Variants in SMIM10L1 observed in about 807,000 individuals in gnomAD.
The protein encoded by SMIM10L1 is small integral membrane protein 10-like protein 1.
In SMIM10L1, 6 loss-of-function variants were observed where a neutral mutation model predicts 4.5. The observed-to-expected ratio is 1.33, with a 90% CI of 0.73 to 2.62. SMIM10L1 has a LOEUF of 2.62. Among genes scored for constraint, SMIM10L1 ranks in the 30% most tolerant of loss-of-function variants. The pLI is 0.00. For missense variants in SMIM10L1, 66 were observed against 86.2 expected (o/e 0.77, Z 0.93); for synonymous variants, 49 against 42.2 (o/e 1.16, Z -0.63).
chr12:11,174,349 A>G lies in SMIM10L1; in HGVS notation c.*2786A>G, dbSNP rs1025482830. On this transcript the variant is annotated 3_prime_UTR_variant, in exon 1 of 1. Coordinates refer to ENST00000622602, the MANE Select transcript of SMIM10L1 (RefSeq NM_001271592.2). Reference sequence around the variant, plus strand: ...GCCCAGTGCGGAATAGCTAATAAATATTGTTGAATGGATAGATGAATGGCA... The same window carrying G: ...GCCCAGTGCGGAATAGCTAATAAATGTTGTTGAATGGATAGATGAATGGCA... 6.6e-6 allele frequency: 1 copy of G among 152,150 alleles called. No individual in the cohort carries two copies. The highest frequency in any genetic ancestry group is 1.5e-5 in the Non-Finnish European group (1 of 68,004). The allele number at this position is 152,150 out of a possible 1,614,324, so 9.4% of individuals were successfully genotyped here.
Position 11,171,571 on chromosome 12 carries a change from A to G in SMIM10L1, c.*8A>G. On this transcript the variant is annotated 3_prime_UTR_variant, in exon 1 of 1. Transcript: ENST00000622602. The stretch of plus-strand genomic sequence containing the variant: ...TTGCAGGTACATATTTAGAGCCATG[A>G]CTAAGCTAACGGCCTCCGGGGCCAG... The G allele has an allele frequency of 8.1e-7, 1 of 1,231,878 alleles. No homozygotes were observed. Among genetic ancestry groups the G allele is most frequent in the South Asian group, 4.1e-5 (1 of 24,304 alleles). The allele number at this position is 1,231,878 out of a possible 1,614,324, so 76.3% of individuals were successfully genotyped here. A position where few individuals can be genotyped will look rare whatever the true frequency, so the allele number is the denominator to read the frequency against.
rs1947852996 is a variant in SMIM10L1, at chr12:11,171,656, A to C, written c.*93A>C. ...GGCGGAGCAGCCAATGGCGAGCCCC[A>C]CAGTCTCGCGAGAGTGCTCAGGCGC... On this transcript the variant is annotated 3_prime_UTR_variant, in exon 1 of 1. Coordinates refer to ENST00000622602, the MANE Select transcript of SMIM10L1 (RefSeq NM_001271592.2). The C allele has an allele frequency of 3.2e-6, 3 of 934,812 alleles. No individual in the cohort carries two copies. The African/African-American group carries it at 5.1e-5, about 16-fold the overall frequency. 57.9% of individuals were successfully genotyped at this position (934,812 alleles called of 1,614,324 possible).
At position 11,171,298 on chromosome 12, in the gene SMIM10L1, T is replaced by A; in HGVS notation, c.-59T>A. 1 of 1,123,280 alleles carries A rather than the reference T, an allele frequency of 8.9e-7. No homozygotes were observed. The highest frequency in any genetic ancestry group is 1.1e-6 in the Non-Finnish European group (1 of 888,752). The allele number at this position is 1,123,280 out of a possible 1,614,324, so 69.6% of individuals were successfully genotyped here. On this transcript the variant is annotated 5_prime_UTR_variant, in exon 1 of 1. Transcript: ENST00000622602. ...GCCGGTCCCAGCCGTCGCTAGGAGG[T>A]CCGCGGGCCCTGCGGCAACCCTCGC...
chr12:11,171,596 G>T lies in SMIM10L1; in HGVS notation c.*33G>T. On this transcript the variant is annotated 3_prime_UTR_variant, in exon 1 of 1. Coordinates refer to ENST00000622602, the MANE Select transcript of SMIM10L1 (RefSeq NM_001271592.2). ...ACTAAGCTAACGGCCTCCGGGGCCA[G>T]CATGATGGCCGACTCCCAGGGTCCG... The T allele has an allele frequency of 7.4e-6, 9 of 1,217,266 alleles. No homozygotes were observed. The highest frequency in any genetic ancestry group is 8.2e-6 in the Non-Finnish European group (8 of 974,458). 75.4% of individuals were successfully genotyped at this position (1,217,266 alleles called of 1,614,324 possible).
Position 11,171,293 on chromosome 12 carries a change from G to A in SMIM10L1, c.-64G>A. ...GTCCTGCCGGTCCCAGCCGTCGCTA[G>A]GAGGTCCGCGGGCCCTGCGGCAACC... On this transcript the variant is annotated 5_prime_UTR_variant, in exon 1 of 1. Transcript: ENST00000622602. 2 of 1,081,316 alleles carry A rather than the reference G, an allele frequency of 1.8e-6. No individual in the cohort carries two copies. Among genetic ancestry groups the A allele is most frequent in the Non-Finnish European group, 2.4e-6 (2 of 850,474 alleles). 67.0% of individuals were successfully genotyped at this position (1,081,316 alleles called of 1,614,324 possible).
rs1947867083 is a variant in SMIM10L1 at position 11,172,071 on chromosome 12, G to GT, written c.*509dup. The GT allele has an allele frequency of 6.6e-6, 1 of 152,158 alleles. No homozygotes were observed. Among genetic ancestry groups the GT allele is most frequent in the Non-Finnish European group, 1.5e-5 (1 of 68,022 alleles). The allele number at this position is 152,158 out of a possible 1,614,324, so 9.4% of individuals were successfully genotyped here. A position where few individuals can be genotyped will look rare whatever the true frequency, so the allele number is the denominator to read the frequency against. ...TTTTCGGTGAAAAAAACGCAAAACTGTACAGGAAAATCATCCTCCAAGTAC... is the reference window on the plus strand; with the variant it reads ...TTTTCGGTGAAAAAAACGCAAAACTGTTACAGGAAAATCATCCTCCAAGTAC... On this transcript the variant is annotated 3_prime_UTR_variant, in exon 1 of 1. Transcript: ENST00000622602.
chr12:11,173,275 C>T lies in SMIM10L1; in HGVS notation c.*1712C>T, dbSNP rs1162786185. The T allele has an allele frequency of 6.6e-6, 1 of 152,132 alleles. No individual in the cohort carries two copies. Among genetic ancestry groups the T allele is most frequent in the Admixed American group, 6.5e-5 (1 of 15,274 alleles). 9.4% of individuals were successfully genotyped at this position (152,132 alleles called of 1,614,324 possible). A position where few individuals can be genotyped will look rare whatever the true frequency, so the allele number is the denominator to read the frequency against. On this transcript the variant is annotated 3_prime_UTR_variant, in exon 1 of 1. Transcript: ENST00000622602. ...CTTTCTAGTCTTTATTCTTTGTCTCCAGCCAAACTCCATTTGGGCACATTC... is the reference window on the plus strand; with the variant it reads ...CTTTCTAGTCTTTATTCTTTGTCTCTAGCCAAACTCCATTTGGGCACATTC...
Position 11,175,154 on chromosome 12 carries a change from C to T in SMIM10L1, c.*3591C>T, listed in dbSNP as rs558319541. 2 of 149,132 alleles carry T rather than the reference C, an allele frequency of 1.3e-5. No homozygotes were observed. Among genetic ancestry groups the T allele is most frequent in the African/African-American group, 4.9e-5 (2 of 40,694 alleles). The allele number at this position is 149,132 out of a possible 1,614,324, so 9.2% of individuals were successfully genotyped here. ...TGTAAGTTCAAGTATTTTATACTCT[C>T]TGCAGCCTTAAACCTATTGGCTTAT... On this transcript the variant is annotated 3_prime_UTR_variant, in exon 1 of 1. Coordinates refer to ENST00000622602, the MANE Select transcript of SMIM10L1 (RefSeq NM_001271592.2).
In SMIM10L1 at chr12:11,173,894, TACAC is replaced by T. The variant is rs1395396200; in HGVS notation, c.*2333_*2336del. ...CTGTATATATACATATATATATACA[TACAC>T]ATATATAAATTTAAGTAGTAACTAT... On this transcript the variant is annotated 3_prime_UTR_variant, in exon 1 of 1. Coordinates refer to ENST00000622602, the MANE Select transcript of SMIM10L1 (RefSeq NM_001271592.2). The T allele has an allele frequency of 2.6e-5, 4 of 151,608 alleles. No individual in the cohort carries two copies. The highest frequency in any genetic ancestry group is 4.8e-5 in the African/African-American group (2 of 41,304). 9.4% of individuals were successfully genotyped at this position (151,608 alleles called of 1,614,324 possible).
Position 11,171,318 on chromosome 12 carries a change from C to T in SMIM10L1, c.-39C>T. ...GGAGGTCCGCGGGCCCTGCGGCAAC[C>T]CTCGCTACAGACGCTGGGCGGGCGG... On this transcript the variant is annotated 5_prime_UTR_variant, in exon 1 of 1. Coordinates refer to ENST00000622602, the MANE Select transcript of SMIM10L1 (RefSeq NM_001271592.2). The T allele has an allele frequency of 8.2e-7, 1 of 1,213,614 alleles. No individual in the cohort carries two copies. 75.2% of individuals were successfully genotyped at this position (1,213,614 alleles called of 1,614,324 possible). A position where few individuals can be genotyped will look rare whatever the true frequency, so the allele number is the denominator to read the frequency against.
Position 11,174,793 on chromosome 12 carries a change from T to G in SMIM10L1, c.*3230T>G, listed in dbSNP as rs1947925162. 6.6e-6 allele frequency: 1 copy of G among 152,120 alleles called. No individual in the cohort carries two copies. Among genetic ancestry groups the G allele is most frequent in the Non-Finnish European group, 1.5e-5 (1 of 67,916 alleles). The allele number at this position is 152,120 out of a possible 1,614,324, so 9.4% of individuals were successfully genotyped here. A position where few individuals can be genotyped will look rare whatever the true frequency, so the allele number is the denominator to read the frequency against. On this transcript the variant is annotated 3_prime_UTR_variant, in exon 1 of 1. Transcript: ENST00000622602. Reference sequence around the variant, plus strand: ...ATATTGAGTTTTTAATACCAGGAACTATGAAAAACTATTTATATACATGAG... The same window carrying G: ...ATATTGAGTTTTTAATACCAGGAACGATGAAAAACTATTTATATACATGAG...
In SMIM10L1 at chr12:11,175,706, A is replaced by G. The variant is rs954963930; in HGVS notation, c.*4143A>G. 6.6e-6 allele frequency: 1 copy of G among 152,242 alleles called. No individual in the cohort carries two copies. Among genetic ancestry groups the G allele is most frequent in the African/African-American group, 2.4e-5 (1 of 41,440 alleles). 9.4% of individuals were successfully genotyped at this position (152,242 alleles called of 1,614,324 possible). On this transcript the variant is annotated 3_prime_UTR_variant, in exon 1 of 1. Coordinates refer to ENST00000622602, the MANE Select transcript of SMIM10L1 (RefSeq NM_001271592.2). The stretch of plus-strand genomic sequence containing the variant: ...TTCTTCTTGCAGTTTTAACACTTGT[A>G]CTATGGTCTGAATGTGCCCCCCAAA...
Position 11,171,743 on chromosome 12 carries a change from A to ATT in SMIM10L1, c.*181_*182insTT. On this transcript the variant is annotated 3_prime_UTR_variant, in exon 1 of 1. Transcript: ENST00000622602. ...CTCAGGGGGCGGCCGGGAGCCTACA[A>ATT]TCCCTAGAAAGAGAATACGCTGTTC... is the stretch of plus-strand genomic sequence containing the variant. 2.4e-6 allele frequency: 1 copy of ATT among 409,210 alleles called. No homozygotes were observed. The highest frequency in any genetic ancestry group is 3.6e-5 in the East Asian group (1 of 27,940). The allele number at this position is 409,210 out of a possible 1,614,324, so 25.3% of individuals were successfully genotyped here. A position where few individuals can be genotyped will look rare whatever the true frequency, so the allele number is the denominator to read the frequency against.
chr12:11,174,446 A>G lies in SMIM10L1; in HGVS notation c.*2883A>G, dbSNP rs1206792811. On this transcript the variant is annotated 3_prime_UTR_variant, in exon 1 of 1. Coordinates refer to ENST00000622602, the MANE Select transcript of SMIM10L1 (RefSeq NM_001271592.2). ...TATATTCGTTCCTGATAATAAGATG[A>G]TTCACTTTATTGCCCATAAATTGGG... The G allele has an allele frequency of 6.6e-6, 1 of 152,104 alleles. No individual in the cohort carries two copies. Among genetic ancestry groups the G allele is most frequent in the Non-Finnish European group, 1.5e-5 (1 of 67,992 alleles). 9.4% of individuals were successfully genotyped at this position (152,104 alleles called of 1,614,324 possible).
rs1015237072 is a variant in SMIM10L1 at position 11,172,822 on chromosome 12, T to C, written c.*1259T>C. The C allele has an allele frequency of 7.2e-5, 11 of 152,234 alleles. No homozygotes were observed. The highest frequency in any genetic ancestry group is 6.5e-5 in the Admixed American group (1 of 15,284). 9.4% of individuals were successfully genotyped at this position (152,234 alleles called of 1,614,324 possible). ...TCAACTGTGAATAATAGTAGTCATG[T>C]AAAGTCAGTCATAATTATGTAAATA... On this transcript the variant is annotated 3_prime_UTR_variant, in exon 1 of 1. Transcript: ENST00000622602.
rs1947834185 is a variant in SMIM10L1 at position 11,171,268 on chromosome 12, G to A, written c.-89G>A. The A allele has an allele frequency of 1.0e-5, 9 of 877,736 alleles. No homozygotes were observed. The highest frequency in any genetic ancestry group is 1.4e-5 in the Non-Finnish European group (9 of 664,426). 54.4% of individuals were successfully genotyped at this position (877,736 alleles called of 1,614,324 possible). ...GAGCCCGGGAGCCGCTTTGCTTACC[G>A]TCCTGCCGGTCCCAGCCGTCGCTAG... On this transcript the variant is annotated 5_prime_UTR_variant, in exon 1 of 1. Coordinates refer to ENST00000622602, the MANE Select transcript of SMIM10L1 (RefSeq NM_001271592.2).
Position 11,175,054 on chromosome 12 carries a change from G to C in SMIM10L1, c.*3491G>C, listed in dbSNP as rs1442262640. On this transcript the variant is annotated 3_prime_UTR_variant, in exon 1 of 1. Transcript: ENST00000622602. ...ATTTCTGGACAGAAATATTACCTGG[G>C]TAATAGTTATTTTTTTTAACATAAC... The C allele has an allele frequency of 1.3e-5, 2 of 151,934 alleles. No homozygotes were observed. The highest frequency in any genetic ancestry group is 6.6e-5 in the Admixed American group (1 of 15,252). The allele number at this position is 151,934 out of a possible 1,614,324, so 9.4% of individuals were successfully genotyped here. A position where few individuals can be genotyped will look rare whatever the true frequency, so the allele number is the denominator to read the frequency against.
rs1947905184 is a variant in SMIM10L1 at position 11,173,641 on chromosome 12, GA to G, written c.*2079del. 1 of 152,148 alleles carries G rather than the reference GA, an allele frequency of 6.6e-6. No individual in the cohort carries two copies. Among genetic ancestry groups the G allele is most frequent in the Non-Finnish European group, 1.5e-5 (1 of 68,012 alleles). 9.4% of individuals were successfully genotyped at this position (152,148 alleles called of 1,614,324 possible). A position where few individuals can be genotyped will look rare whatever the true frequency, so the allele number is the denominator to read the frequency against. On this transcript the variant is annotated 3_prime_UTR_variant, in exon 1 of 1. Coordinates refer to ENST00000622602, the MANE Select transcript of SMIM10L1 (RefSeq NM_001271592.2). ...TGATGTCCCAATTTGTAACACAAAA[GA>G]CTGTCTAGTCTTAATCCTGAAATGG...
At position 11,173,561 on chromosome 12, in the gene SMIM10L1, G is replaced by T. The variant is rs546049457; in HGVS notation, c.*1998G>T. ...ATATCAGAAGTGTAGTTTAATCAATGAAATAGTAATACCAAGGGATTTAGA... is the reference window on the plus strand; with the variant it reads ...ATATCAGAAGTGTAGTTTAATCAATTAAATAGTAATACCAAGGGATTTAGA... On this transcript the variant is annotated 3_prime_UTR_variant, in exon 1 of 1. Transcript: ENST00000622602. 6.6e-6 allele frequency: 1 copy of T among 152,258 alleles called. No homozygotes were observed. Among genetic ancestry groups the T allele is most frequent in the East Asian group, 1.9e-4 (1 of 5,186 alleles). 9.4% of individuals were successfully genotyped at this position (152,258 alleles called of 1,614,324 possible). A position where few individuals can be genotyped will look rare whatever the true frequency, so the allele number is the denominator to read the frequency against.
Sources: allele counts gnomAD v4.1 joint callset, GRCh38; gene constraint gnomAD v4.1.1; transcripts MANE v1.5; gene names NCBI Gene and HGNC (gene_info 2026-07-23, HGNC 2026-07-21).